Variants in STIMATE observed in about 807,000 individuals in gnomAD.
STIMATE encodes STIM activating enhancer, also known as store-operated calcium entry regulator STIMATE.
Under a neutral mutation model 36.7 loss-of-function variants are expected in STIMATE, and 15 were observed. That is an observed-to-expected ratio of 0.41 (90% confidence interval 0.27 to 0.63). The LOEUF (loss-of-function observed/expected upper bound fraction) is 0.63. STIMATE is among the 20% of genes least tolerant of loss of function. The probability of loss-of-function intolerance (pLI) is 0.32; values close to 1 mark genes in which losing one functional copy is unlikely to be tolerated. For missense variants in STIMATE, 305 were observed against 397.3 expected, an observed-to-expected ratio of 0.77 and a Z score of 1.98; for synonymous variants, 163 against 162.3, an observed-to-expected ratio of 1.00 and a Z score of -0.03.
intron 1 of STIMATE, among the ~76,000 whole-genome samples, chr3:52,892,368 A>C (rs1236378295): frequency 6.6e-6 from 1 of 152,266 alleles, no homozygotes; most frequent in Non-Finnish European, 1.5e-5. Context: ...AAATGCTACC[A>C]AATAAATAAA....
At chr3:52,859,330 T>C (rs1454164129) in intron 1 of STIMATE, among the ~76,000 whole-genome samples, 1 of 149,914 alleles carries the variant, frequency 6.7e-6, no homozygotes, top group Non-Finnish European at 1.5e-5. Flanking sequence ...TTTATGCTGG[T>C]ATTATGTATT....
At chr3:52,859,217 G>C (rs534107362) in intron 1 of STIMATE, among the ~76,000 whole-genome samples, 4 of 149,414 alleles carry the variant, frequency 2.7e-5, no homozygotes, top group Non-Finnish European at 4.4e-5. Flanking sequence ...CAATGAGGTA[G>C]ATCTATATGG....
intron 2 of STIMATE, among the ~76,000 whole-genome samples, chr3:52,853,436 A>T (rs1231650937): frequency 6.6e-6 from 1 of 152,214 alleles, no homozygotes; most frequent in Non-Finnish European, 1.5e-5. Flanking sequence ...TATGTCCTCC[A>T]CCACCAGCAC....
Position 52,897,470 on chromosome 3 carries a change from G to T in STIMATE, c.-20C>A. 1 of 1,284,316 alleles carries T rather than the reference G, an allele frequency of 7.8e-7. No homozygotes were observed. The highest frequency in any genetic ancestry group is 3.3e-5 in the East Asian group (1 of 30,638). The allele number at this position is 1,284,316 out of a possible 1,614,324, so 79.6% of individuals were successfully genotyped here. ...CTGCATGACAGGCCTCGCGGGAGGG[G>T]CGCGAGGGCCCAGGGCCCGCCCGGC... On this transcript the variant is annotated 5_prime_UTR_variant, in exon 1 of 8. Coordinates refer to ENST00000355083, the MANE Select transcript of STIMATE (RefSeq NM_198563.5).
chr3:52,855,499 T>C (rs1559491867), intron 1 of STIMATE, 55 bp from the exon 2 acceptor site: 4 of 1,612,068 alleles, frequency 2.5e-6, no homozygotes, highest in Non-Finnish European at 3.4e-6. Context: ...TAAAGCAAGA[T>C]GCACATAACA....
At chr3:52,859,531 A>AAAATATT (rs748928249) in intron 1 of STIMATE, among the ~76,000 whole-genome samples, 1 of 18,810 alleles carries the variant, frequency 5.3e-5, no homozygotes, top group Non-Finnish European at 1.2e-4. Context: ...AAAAAAAAAA[A>AAAATATT]TTTTTTTTTT....
intron 4 of STIMATE, chr3:52,847,453 G>A (rs1417491843): frequency 3.9e-6 from 5 of 1,288,718 alleles, no homozygotes; most frequent in African/African-American, 3.0e-5. Flanking sequence ...TCAGAGTGCA[G>A]ACACCATGCG....
intron 1 of STIMATE, among the ~76,000 whole-genome samples, chr3:52,871,952 G>A (rs1344236024): frequency 2.0e-5 from 3 of 152,060 alleles, no homozygotes; most frequent in African/African-American, 7.2e-5. Context: ...TCTTGATGCG[G>A]CACCCACAAG....
intron 1 of STIMATE, among the ~76,000 whole-genome samples, chr3:52,894,236 C>G (rs989793578): frequency 6.6e-6 from 1 of 152,172 alleles, no homozygotes; most frequent in Admixed American, 6.5e-5. Flanking sequence ...TCTTTCCTTG[C>G]GTACACAGGG....
chr3:52,859,406 C>T (rs1701166842), intron 1 of STIMATE, among the ~76,000 whole-genome samples: 1 of 137,810 alleles, frequency 7.3e-6, no homozygotes, highest in African/African-American at 2.7e-5. Context: ...ATGGCTCAAA[C>T]CTGTAATCCC....
At chr3:52,895,468 C>T (rs6445548) in intron 1 of STIMATE, among the ~76,000 whole-genome samples, 147,924 of 152,336 alleles carry the variant, frequency 0.97, 71,978 homozygotes, top group Middle Eastern at 1. Flanking sequence ...CCACAAGCTC[C>T]GTCCACGTCA....
intron 1 of STIMATE, among the ~76,000 whole-genome samples, chr3:52,871,842 A>AC (rs1234614871): frequency 6.6e-6 from 1 of 150,686 alleles, no homozygotes; most frequent in Non-Finnish European, 1.5e-5. Flanking sequence ...CACAAACACA[A>AC]CCCCCCCATG....
chr3:52,881,041 A>G (rs1701593951), intron 1 of STIMATE, among the ~76,000 whole-genome samples: 1 of 151,978 alleles, frequency 6.6e-6, no homozygotes, highest in Admixed American at 6.6e-5. Context: ...ATACAAAATT[A>G]GCCAGATGTG....
intron 1 of STIMATE, among the ~76,000 whole-genome samples, chr3:52,861,862 C>A (rs1277547393): frequency 6.6e-6 from 1 of 152,202 alleles, no homozygotes; most frequent in Non-Finnish European, 1.5e-5. Flanking sequence ...ATTCTCCAAT[C>A]CTGCTCACCT....
chr3:52,897,545 G>C lies in STIMATE; in HGVS notation c.-95C>G, dbSNP rs1384360491. On this transcript the variant is annotated 5_prime_UTR_variant, in exon 1 of 8. Coordinates refer to ENST00000355083, the MANE Select transcript of STIMATE (RefSeq NM_198563.5). ...GCCAAACCCGCAGCCGGGATCCCAA[G>C]CCTGAGCCGGTACCTCCGCCCGGCC... 2.6e-6 allele frequency: 3 copies of C among 1,171,600 alleles called. No homozygotes were observed. The highest frequency in any genetic ancestry group is 7.7e-5 in the East Asian group (2 of 25,920). The allele number at this position is 1,171,600 out of a possible 1,614,324, so 72.6% of individuals were successfully genotyped here. A position where few individuals can be genotyped will look rare whatever the true frequency, so the allele number is the denominator to read the frequency against.
intron 1 of STIMATE, among the ~76,000 whole-genome samples, chr3:52,868,487 C>T (rs1186924728): frequency 6.6e-6 from 1 of 152,164 alleles, no homozygotes; most frequent in Non-Finnish European, 1.5e-5. Flanking sequence ...TGATTTTAAG[C>T]CAGTCACTTA....
At chr3:52,859,162 C>CAAAAAAAAA (rs201031735) in intron 1 of STIMATE, among the ~76,000 whole-genome samples, 1 of 83,166 alleles carries the variant, frequency 1.2e-5, no homozygotes, top group African/African-American at 4.3e-5. Flanking sequence ...GACTCCATCT[C>CAAAAAAAAA]AAAAAAAATA....
intron 1 of STIMATE, among the ~76,000 whole-genome samples, chr3:52,886,459 T>C (rs1701687513): frequency 6.6e-6 from 1 of 152,156 alleles, no homozygotes; most frequent in South Asian, 2.1e-4. Context: ...ATGATATGAG[T>C]ACTCATCTCA....
intron 1 of STIMATE, among the ~76,000 whole-genome samples, chr3:52,870,900 C>T (rs956323164): frequency 3.9e-5 from 6 of 152,068 alleles, no homozygotes; most frequent in African/African-American, 1.4e-4. Flanking sequence ...ACTGGAAGGT[C>T]TGGGGGAAGG....
Sources: allele counts gnomAD v4.1 joint callset (sites outside exome capture counted in the v4.1 genomes callset), GRCh38; gene constraint gnomAD v4.1.1; transcripts MANE v1.5; gene names NCBI Gene and HGNC (gene_info 2026-07-23, HGNC 2026-07-21).